LMAN2L: variants seen among roughly 807,000 people sequenced by gnomAD.
LMAN2L encodes the protein VIP36-like protein.
LMAN2L carries 30 observed loss-of-function variants against 44.3 expected under a neutral mutation model. The observed-to-expected ratio is 0.68, with a 90% CI of 0.51 to 0.92. The LOEUF (loss-of-function observed/expected upper bound fraction) is 0.92, where lower values mean the gene tolerates loss of function less well. Ranked by LOEUF, LMAN2L falls within the 40% of genes least tolerant of loss-of-function variation. The pLI is 0.00. For missense variants in LMAN2L, 429 were observed against 446.1 expected (o/e 0.96, Z 0.35); for synonymous variants, 183 against 171.1 (o/e 1.07, Z -0.54).
chr2:96,719,428 T>C (rs571794393), intron 4 of LMAN2L, among the ~76,000 whole-genome samples: 1 of 152,132 alleles, frequency 6.6e-6, no homozygotes, highest in Non-Finnish European at 1.5e-5. Context: ...AAGAGACCAC[T>C]TTGGGATCAG....
At chr2:96,733,830 A>T (rs1419391529) in intron 3 of LMAN2L, among the ~76,000 whole-genome samples, 1 of 152,190 alleles carries the variant, frequency 6.6e-6, no homozygotes, top group Non-Finnish European at 1.5e-5. Flanking sequence ...AGAGAAGGCC[A>T]CTGCAACCTT....
At chr2:96,722,606 C>T (rs2078182440) in intron 4 of LMAN2L, among the ~76,000 whole-genome samples, 1 of 152,234 alleles carries the variant, frequency 6.6e-6, no homozygotes, top group Non-Finnish European at 1.5e-5. Context: ...CCACCATTCA[C>T]CTGCTGTGCA....
At chr2:96,712,143 A>T in intron 4 of LMAN2L, 118 bp from the exon 5 acceptor site, 1 of 970,644 alleles carries the variant, frequency 1.0e-6, no homozygotes, top group East Asian at 2.6e-5. Flanking sequence ...ATAGGCAGCC[A>T]CTCGACCTCA....
At chr2:96,727,751 C>T (rs2153331154) in intron 4 of LMAN2L, among the ~76,000 whole-genome samples, 1 of 152,226 alleles carries the variant, frequency 6.6e-6, no homozygotes, top group Admixed American at 6.5e-5. Flanking sequence ...ACACGCCCTC[C>T]TACCTGCTCC....
intron 4 of LMAN2L, among the ~76,000 whole-genome samples, chr2:96,720,271 C>T (rs917944151): frequency 6.6e-6 from 1 of 152,110 alleles, no homozygotes. Flanking sequence ...AAGGCCAAGA[C>T]CGCAACGGTT....
intron 4 of LMAN2L, among the ~76,000 whole-genome samples, chr2:96,727,952 C>T (rs1254158488): frequency 1.3e-5 from 2 of 152,184 alleles, no homozygotes; most frequent in African/African-American, 4.8e-5. Flanking sequence ...TCTACATGCA[C>T]TTCAGTTTCT....
At chr2:96,734,789 A>C (rs778579180) in intron 2 of LMAN2L, 21 of 438,636 alleles carry the variant, frequency 4.8e-5, no homozygotes, top group African/African-American at 4.2e-4. Context: ...ACAGAACTCC[A>C]AAGTTGGAAA....
At chr2:96,731,562 C>T (rs1416029119) in intron 4 of LMAN2L, among the ~76,000 whole-genome samples, 1 of 151,694 alleles carries the variant, frequency 6.6e-6, no homozygotes, top group Non-Finnish European at 1.5e-5. Context: ...AGGAGAATGG[C>T]TTGAACCCAG....
chr2:96,726,168 AAT>A (rs138834323), intron 4 of LMAN2L, among the ~76,000 whole-genome samples: 2,886 of 151,650 alleles, frequency 0.019, 93 homozygotes, highest in African/African-American at 0.065. Context: ...CCTTTTTAAT[AAT>A]ATTTTATAAT....
At chr2:96,713,328 T>C (rs1053771175) in intron 4 of LMAN2L, among the ~76,000 whole-genome samples, 5 of 152,170 alleles carry the variant, frequency 3.3e-5, no homozygotes, top group Non-Finnish European at 2.9e-5. Flanking sequence ...CTCAAGATGA[T>C]AGGCAAAACC....
intron 4 of LMAN2L, among the ~76,000 whole-genome samples, chr2:96,725,379 G>A (rs941163875): frequency 3.3e-5 from 5 of 152,022 alleles, no homozygotes; most frequent in African/African-American, 9.7e-5. Flanking sequence ...GGGATTATAG[G>A]TGTGAGCCAC....
chr2:96,732,130 G>C (rs186158226), intron 4 of LMAN2L, among the ~76,000 whole-genome samples: 13 of 152,030 alleles, frequency 8.6e-5, no homozygotes, highest in Middle Eastern at 3.4e-3. Flanking sequence ...TGGGATTACA[G>C]GCGTGAGCCA....
intron 4 of LMAN2L, among the ~76,000 whole-genome samples, chr2:96,720,278 G>A (rs1302782166): frequency 6.6e-6 from 1 of 152,060 alleles, no homozygotes; most frequent in East Asian, 1.9e-4. Context: ...AGACCGCAAC[G>A]GTTACACTCT....
At chr2:96,713,091 G>A (rs1051578170) in intron 4 of LMAN2L, 5 of 1,549,252 alleles carry the variant, frequency 3.2e-6, no homozygotes, top group Non-Finnish European at 4.4e-6. Flanking sequence ...CTCATGATGA[G>A]CCAAGAACTG....
chr2:96,734,659 A>G, intron 2 of LMAN2L, 133 bp from the exon 3 acceptor site: 1 of 645,420 alleles, frequency 1.5e-6, no homozygotes, highest in Non-Finnish European at 2.8e-6. Flanking sequence ...CTTAAATCTA[A>G]GACTTGCTAT....
intron 6 of LMAN2L, among the ~76,000 whole-genome samples, chr2:96,708,634 A>G (rs756826668): frequency 6.6e-6 from 1 of 151,926 alleles, no homozygotes; most frequent in Non-Finnish European, 1.5e-5. Context: ...GGTGAAGACC[A>G]CACACGTGCA....
At chr2:96,739,833 A>T (rs1323943534) in intron 1 of LMAN2L, 21 bp downstream of exon 1, 1 of 1,610,122 alleles carries the variant, frequency 6.2e-7, no homozygotes, top group East Asian at 2.2e-5. Flanking sequence ...CTGCACGACC[A>T]CCTCACCCTG....
intron 4 of LMAN2L, among the ~76,000 whole-genome samples, chr2:96,720,678 C>T (rs963227362): frequency 2.6e-5 from 4 of 152,096 alleles, no homozygotes; most frequent in South Asian, 2.1e-4. Flanking sequence ...CGGTGACTCA[C>T]GCCTGTAATC....
chr2:96,737,540 C>T (rs1025602151), intron 2 of LMAN2L, among the ~76,000 whole-genome samples: 12 of 152,176 alleles, frequency 7.9e-5, no homozygotes, highest in Admixed American at 6.5e-4. Flanking sequence ...GTAGTCTCAG[C>T]TACTCAGGAG....
Sources: allele counts gnomAD v4.1 joint callset (sites outside exome capture counted in the v4.1 genomes callset), GRCh38; gene constraint gnomAD v4.1.1; transcripts MANE v1.5; gene names NCBI Gene and HGNC (gene_info 2026-07-23, HGNC 2026-07-21).